The following MAN1C1 variants were observed in gnomAD, a reference collection of about 807,000 sequenced individuals.
MAN1C1 encodes the protein mannosyl-oligosaccharide 1,2-alpha-mannosidase IC.
A neutral mutation model predicts 71.5 loss-of-function variants in MAN1C1; 49 were observed. The ratio of observed to expected loss-of-function variants is 0.69; its 90% CI spans 0.54 to 0.87. The LOEUF (loss-of-function observed/expected upper bound fraction) is 0.87. Ranked by LOEUF, MAN1C1 falls within the 40% of genes least tolerant of loss-of-function variation. The pLI, the probability that MAN1C1 is intolerant of heterozygous loss-of-function variation, is 0.00. For missense variants in MAN1C1, 743 were observed against 835.0 expected (o/e 0.89, Z 1.36); for synonymous variants, 352 against 343.7 (o/e 1.02, Z -0.27).
In MAN1C1 at chr1:25,753,653, C is replaced by T. The variant is rs145964942; in HGVS notation, c.929+75C>T. On this transcript the variant is annotated intron_variant, in intron 5 of 11. Coordinates refer to ENST00000374332, the MANE Select transcript of MAN1C1 (RefSeq NM_020379.4). The surrounding 1 kb of genome is among the most constrained non-coding windows in gnomAD (Gnocchi z 4.9). ...CCATTTGTGTTTTGTCTGGGTGGTG[C>T]TGGTGAGGAGGCTCCAGGGGCAGTA... 4.4e-5 allele frequency: 62 copies of T among 1,402,286 alleles called. No individual in the cohort carries two copies. The East Asian group carries it at 1.4e-3, about 33-fold the overall frequency. 86.9% of individuals were successfully genotyped at this position (1,402,286 alleles called of 1,614,324 possible). A position where few individuals can be genotyped will look rare whatever the true frequency, so the allele number is the denominator to read the frequency against.
chr1:25,640,059 T>C (rs2045516332), intron 1 of MAN1C1, among the ~76,000 whole-genome samples: 1 of 152,226 alleles, frequency 6.6e-6, no homozygotes. Flanking sequence ...TAAAACAGTT[T>C]TTAAAAAGAG....
intron 1 of MAN1C1, among the ~76,000 whole-genome samples, chr1:25,653,162 T>C (rs2045717644): frequency 2.6e-5 from 4 of 152,142 alleles, no homozygotes. Flanking sequence ...GCTGCGGTCT[T>C]GACCTCCTGG....
chr1:25,641,416 G>C (rs941902683), intron 1 of MAN1C1, among the ~76,000 whole-genome samples: 1 of 152,232 alleles, frequency 6.6e-6, no homozygotes, highest in Non-Finnish European at 1.5e-5. Context: ...AGGCTAGTGG[G>C]TGATAACTTA....
chr1:25,758,872 A>C, intron 6 of MAN1C1, 163 bp downstream of exon 6: 2 of 650,980 alleles, frequency 3.1e-6, no homozygotes, highest in Non-Finnish European at 2.8e-6. Flanking sequence ...GTAGCTACCT[A>C]TACCCCAACG....
At chr1:25,733,856 G>A (rs2124307187) in intron 2 of MAN1C1, among the ~76,000 whole-genome samples, 1 of 151,832 alleles carries the variant, frequency 6.6e-6, no homozygotes, top group Non-Finnish European at 1.5e-5. Flanking sequence ...CTGGAGTGCA[G>A]TGGTGTGATC....
chr1:25,748,293 C>T (rs2047165158), intron 3 of MAN1C1, among the ~76,000 whole-genome samples: 1 of 152,176 alleles, frequency 6.6e-6, no homozygotes, highest in Non-Finnish European at 1.5e-5. Flanking sequence ...CCTCACCGAG[C>T]CCTGGGAAGC....
rs1000027293 is a variant in MAN1C1 at position 25,769,586 on chromosome 1, T to C, written c.1142-2071T>C. ...CACCACCGCGTGATTGTGGCTAAACTCCTTGGCTTGGCATTCCAGGCCCTT... is the reference window on the plus strand; with the variant it reads ...CACCACCGCGTGATTGTGGCTAAACCCCTTGGCTTGGCATTCCAGGCCCTT... On this transcript the variant is annotated intron_variant, in intron 7 of 11. Coordinates refer to ENST00000374332, the MANE Select transcript of MAN1C1 (RefSeq NM_020379.4). This position sits in a 1 kb window ranked among gnomAD's most constrained non-coding sequence, Gnocchi z 4.8. 6.6e-6 allele frequency among the ~76,000 whole-genome samples: 1 copy of C among 152,074 alleles called. No individual in the cohort carries two copies. Among genetic ancestry groups the C allele is most frequent in the African/African-American group, 2.4e-5 (1 of 41,388 alleles).
At chr1:25,662,321 C>G (rs773696811) in intron 1 of MAN1C1, among the ~76,000 whole-genome samples, 1 of 152,108 alleles carries the variant, frequency 6.6e-6, no homozygotes, top group Non-Finnish European at 1.5e-5. Context: ...TTCTGGAGAA[C>G]GAGCCTTCAT....
At chr1:25,656,139 C>G (rs1385794980) in intron 1 of MAN1C1, among the ~76,000 whole-genome samples, 1 of 122,048 alleles carries the variant, frequency 8.2e-6, no homozygotes, top group African/African-American at 3.7e-5. Context: ...ACTCTGTCGC[C>G]TAGGCTGGAG....
intron 1 of MAN1C1, among the ~76,000 whole-genome samples, chr1:25,667,606 TGTTCTTC>T (rs1465088791): frequency 1.3e-5 from 2 of 152,192 alleles, no homozygotes; most frequent in African/African-American, 4.8e-5. Context: ...CATAGTTAAT[TGTTCTTC>T]GGCATTCTAT....
intron 1 of MAN1C1, chr1:25,645,965 C>T (rs2045606948): frequency 6.6e-6 from 1 of 152,310 alleles, no homozygotes; most frequent in African/African-American, 2.4e-5. Flanking sequence ...TCACTCTGAG[C>T]TTTCTTCAGT....
intron 4 of MAN1C1, among the ~76,000 whole-genome samples, chr1:25,750,832 A>C (rs1256712157): frequency 6.6e-6 from 1 of 152,148 alleles, no homozygotes; most frequent in East Asian, 1.9e-4. Flanking sequence ...CAGCCTTCCT[A>C]CTTGGCCGTG....
chr1:25,673,191 C>T (rs1307950268), intron 1 of MAN1C1, among the ~76,000 whole-genome samples: 1 of 152,166 alleles, frequency 6.6e-6, no homozygotes, highest in Non-Finnish European at 1.5e-5. Flanking sequence ...TCTCCCGATG[C>T]AGGGAAGACG....
Position 25,764,091 on chromosome 1 carries a change from A to G in MAN1C1, c.1141+124A>G. On this transcript the variant is annotated intron_variant, in intron 7 of 11. Coordinates refer to ENST00000374332, the MANE Select transcript of MAN1C1 (RefSeq NM_020379.4). The surrounding 1 kb of genome is among the most constrained non-coding windows in gnomAD (Gnocchi z 4.4). ...GTCAGAGCCATGCAGCCAGCAAGGC[A>G]TTCGCTCGGTGCTCCTGGACACCAC... The G allele has an allele frequency of 2.6e-6, 2 of 759,158 alleles. No individual in the cohort carries two copies. The highest frequency in any genetic ancestry group is 4.4e-6 in the Non-Finnish European group (2 of 452,792). The allele number at this position is 759,158 out of a possible 1,614,324, so 47.0% of individuals were successfully genotyped here. A position where few individuals can be genotyped will look rare whatever the true frequency, so the allele number is the denominator to read the frequency against.
At chr1:25,724,538 G>A (rs1557780294) in intron 2 of MAN1C1, among the ~76,000 whole-genome samples, 1 of 151,666 alleles carries the variant, frequency 6.6e-6, no homozygotes, top group African/African-American at 2.4e-5. Flanking sequence ...AAGCCTCTGC[G>A]TGTGTCACAT....
rs989626248 is a variant in MAN1C1, at chr1:25,775,752, G to T, written c.1258-2353G>T. ...AGGAAGGAGGCGCAGCACCAGCTAA[G>T]CCCCGAAGCAGGAAGAAAAATGCAG... On this transcript the variant is annotated intron_variant, in intron 8 of 11. Transcript: ENST00000374332. The surrounding 1 kb of genome is among the most constrained non-coding windows in gnomAD (Gnocchi z 5.1). Among the ~76,000 whole-genome samples, 1 of 152,236 alleles carries T rather than the reference G, an allele frequency of 6.6e-6. No homozygotes were observed. Among genetic ancestry groups the T allele is most frequent in the African/African-American group, 2.4e-5 (1 of 41,458 alleles).
intron 1 of MAN1C1, among the ~76,000 whole-genome samples, chr1:25,626,598 T>C (rs1419095427): frequency 2.0e-5 from 3 of 152,154 alleles, no homozygotes; most frequent in Admixed American, 6.5e-5. Flanking sequence ...GACCTCATGA[T>C]CCGCCTGCCT....
chr1:25,705,683 C>T (rs2046511647), intron 2 of MAN1C1, among the ~76,000 whole-genome samples: 1 of 152,222 alleles, frequency 6.6e-6, no homozygotes, highest in South Asian at 2.1e-4. Context: ...TGGTGGCTCA[C>T]GCCTGTAATA....
chr1:25,715,791 T>C (rs2046671861), intron 2 of MAN1C1, among the ~76,000 whole-genome samples: 2 of 152,232 alleles, frequency 1.3e-5, no homozygotes, highest in South Asian at 4.1e-4. Flanking sequence ...TCTCTGCTAC[T>C]GTTCATTTTA....
Sources: gnomAD v4.1 joint callset for allele counts (sites outside exome capture counted in the v4.1 genomes callset) on GRCh38, gnomAD v4.1.1 for gene constraint, Gnocchi (gnomAD v3.1) non-coding constraint, MANE v1.5 for transcripts, NCBI Gene and HGNC (gene_info 2026-07-23, HGNC 2026-07-21) for gene names.